Variants in PRKDC observed in about 807,000 individuals in gnomAD.
PRKDC encodes the protein protein kinase, DNA-activated, catalytic subunit.
PRKDC carries 82 observed loss-of-function variants against 486.9 expected under a neutral mutation model. The ratio of observed to expected loss-of-function variants is 0.17; its 90% CI spans 0.14 to 0.20. The LOEUF is 0.20. Ranked by LOEUF, PRKDC falls within the 10% of genes least tolerant of loss-of-function variation. PRKDC has a pLI of 1.00. For missense variants in PRKDC, 4,504 were observed against 5,038.2 expected, an observed-to-expected ratio of 0.89 and a Z score of 3.21; for synonymous variants, 1,895 against 1,837.0, an observed-to-expected ratio of 1.03 and a Z score of -0.81.
chr8:47,795,894 A>T (rs1017492927), intron 73 of PRKDC, among the ~76,000 whole-genome samples: 3 of 139,760 alleles, frequency 2.1e-5, no homozygotes, highest in Non-Finnish European at 4.7e-5. Context: ...TTGGTATGGA[A>T]TTTTTTTTTT....
chr8:47,899,629 G>A (rs989437421), intron 28 of PRKDC, among the ~76,000 whole-genome samples: 6 of 152,096 alleles, frequency 3.9e-5, no homozygotes, highest in African/African-American at 9.7e-5. Flanking sequence ...GGTGACAAGA[G>A]CAAAACCCCA....
chr8:47,778,000 T>C, intron 83 of PRKDC, 126 bp from the exon 84 acceptor site: 2 of 899,970 alleles, frequency 2.2e-6, no homozygotes, highest in Admixed American at 4.6e-5. Flanking sequence ...CTGCTTCCCT[T>C]GAAATCAGCT....
intron 31 of PRKDC, 56 bp from the exon 32 acceptor site, chr8:47,890,536 T>G: frequency 7.4e-7 from 1 of 1,351,864 alleles, no homozygotes. Context: ...TCCACTAAGA[T>G]TAACATAAAA....
At position 47,773,957 on chromosome 8, in the gene PRKDC, C is replaced by T; in HGVS notation, c.*216G>A. ...TGGATATCTATCTTTCTATAAACCT[C>T]ACCTAATCTTTGATGTTACTATAAC... is the stretch of plus-strand genomic sequence containing the variant. On this transcript the variant is annotated 3_prime_UTR_variant, in exon 86 of 86. Transcript: ENST00000314191. 2.0e-6 allele frequency: 1 copy of T among 490,982 alleles called. No homozygotes were observed. Among genetic ancestry groups the T allele is most frequent in the Non-Finnish European group, 3.6e-6 (1 of 280,702 alleles). 30.4% of individuals were successfully genotyped at this position (490,982 alleles called of 1,614,324 possible). A position where few individuals can be genotyped will look rare whatever the true frequency, so the allele number is the denominator to read the frequency against.
chr8:47,904,114 C>A (rs1346754331), intron 26 of PRKDC, among the ~76,000 whole-genome samples: 1 of 152,120 alleles, frequency 6.6e-6, no homozygotes, highest in African/African-American at 2.4e-5. Flanking sequence ...CTGCCTCTGC[C>A]CTCAGTGAGC....
intron 41 of PRKDC, 86 bp from the exon 42 acceptor site, chr8:47,863,663 T>A (rs2088730911): frequency 3.5e-6 from 4 of 1,133,068 alleles, no homozygotes. Flanking sequence ...ATACTTAATA[T>A]CCTTTAGACA....
chr8:47,898,182 C>G (rs1461034644), intron 29 of PRKDC, among the ~76,000 whole-genome samples: 2 of 152,220 alleles, frequency 1.3e-5, no homozygotes, highest in Non-Finnish European at 2.9e-5. Flanking sequence ...AAAACATGTT[C>G]AAAATTAGTG....
At chr8:47,925,052 C>T (rs1253218519) in intron 21 of PRKDC, among the ~76,000 whole-genome samples, 1 of 152,200 alleles carries the variant, frequency 6.6e-6, no homozygotes, top group Non-Finnish European at 1.5e-5. Context: ...CTTGGGTAAA[C>T]CCCATGCCAG....
At chr8:47,942,248 T>C (rs1420744377) in intron 10 of PRKDC, among the ~76,000 whole-genome samples, 1 of 152,204 alleles carries the variant, frequency 6.6e-6, no homozygotes, top group Non-Finnish European at 1.5e-5. Context: ...GCCAGCCAAG[T>C]TCAGCGTAAC....
At chr8:47,847,280 C>T (rs1009466264) in intron 54 of PRKDC, among the ~76,000 whole-genome samples, 9 of 151,668 alleles carry the variant, frequency 5.9e-5, no homozygotes, top group East Asian at 3.9e-4. Flanking sequence ...TGGTACTGGT[C>T]GGGGGAAAAA....
At position 47,930,148 on chromosome 8, in the gene PRKDC, T is replaced by C. The variant is rs1283521164; in HGVS notation, c.1893-136A>G. ...AGGTATCCTAAAATGTTTAGTTATA[T>C]CTATAATCCATTTTTCTCTACCTGA... On this transcript the variant is annotated intron_variant, in intron 17 of 85. Coordinates refer to ENST00000314191, the MANE Select transcript of PRKDC (RefSeq NM_006904.7). 4.3e-6 allele frequency: 3 copies of C among 702,824 alleles called. No individual in the cohort carries two copies. The African/African-American group carries it at 5.5e-5, about 13-fold the overall frequency. 43.5% of individuals were successfully genotyped at this position (702,824 alleles called of 1,614,324 possible).
At chr8:47,817,708 A>T (rs191763471) in intron 67 of PRKDC, 147 bp from the exon 68 acceptor site, 148 of 560,534 alleles carry the variant, frequency 2.6e-4, no homozygotes, top group Admixed American at 8.4e-4. Flanking sequence ...CAAAGTTACC[A>T]TACTAAATTT....
In PRKDC at chr8:47,779,111, G is replaced by A. The variant is rs769069444; in HGVS notation, c.11490-18C>T. Reference sequence around the variant, plus strand: ...TGGGATCACTAATGAGTGAGAAAAGGGGAATTGGAATTAGGAAGATTTTAG... The same window carrying A: ...TGGGATCACTAATGAGTGAGAAAAGAGGAATTGGAATTAGGAAGATTTTAG... On this transcript the variant is annotated intron_variant, in intron 80 of 85. Transcript: ENST00000314191. 6.5e-6 allele frequency: 10 copies of A among 1,539,796 alleles called. No homozygotes were observed. The highest frequency in any genetic ancestry group is 8.8e-6 in the Non-Finnish European group (10 of 1,132,250).
chr8:47,831,690 C>T lies in PRKDC; in HGVS notation c.8265+124G>A, dbSNP rs2087880233. 3.9e-6 allele frequency: 4 copies of T among 1,018,972 alleles called. No homozygotes were observed. The Admixed American group carries it at 7.4e-5, about 19-fold the overall frequency. The allele number at this position is 1,018,972 out of a possible 1,614,324, so 63.1% of individuals were successfully genotyped here. A position where few individuals can be genotyped will look rare whatever the true frequency, so the allele number is the denominator to read the frequency against. ...GGAGCCCCAGGAGGCTGGTTTGGAGCAGTCCCGCAACCTGGTTTGCAGGTG... is the reference window on the plus strand; with the variant it reads ...GGAGCCCCAGGAGGCTGGTTTGGAGTAGTCCCGCAACCTGGTTTGCAGGTG... On this transcript the variant is annotated intron_variant, in intron 60 of 85. Transcript: ENST00000314191.
Position 47,860,925 on chromosome 8 carries a change from G to T in PRKDC, c.6032C>A (p.Ala2011Asp). Residue 2011 changes from alanine (A) to aspartate (D), a missense_variant, in exon 45 of 86, where the codon GCC (alanine) becomes GAC (aspartate). This residue lies in a region of PRKDC where 1,592 missense variants were observed against 1,724.6 expected (regional missense o/e 0.92). Transcript: ENST00000314191. ...TGAATCCCCATTTGCTGCTTCTCTG[G>T]CTTCTTTCCTAATTTCAATGTACTT... ...KKKYIEIRKE[A>D]REAANGDSDG... is the part of the protein sequence containing the mutation. 1 of 1,608,464 alleles carries T rather than the reference G, an allele frequency of 6.2e-7. No individual in the cohort carries two copies. The highest frequency in any genetic ancestry group is 8.5e-7 in the Non-Finnish European group (1 of 1,177,570).
rs764415544 is a variant in PRKDC, at chr8:47,902,558, A to G, written c.3269+11T>C. 1.3e-6 allele frequency: 2 copies of G among 1,528,054 alleles called. No homozygotes were observed. Among genetic ancestry groups the G allele is most frequent in the South Asian group, 2.7e-5 (2 of 73,630 alleles). 94.7% of individuals were successfully genotyped at this position (1,528,054 alleles called of 1,614,324 possible). ...CACAAGTTTCTCTTCTCTGTTGTGT[A>G]GCTTACAAACCTGAATTCCCTGTAG... On this transcript the variant is annotated intron_variant, in intron 27 of 85. Coordinates refer to ENST00000314191, the MANE Select transcript of PRKDC (RefSeq NM_006904.7).
intron 16 of PRKDC, among the ~76,000 whole-genome samples, chr8:47,931,751 T>C (rs1049795821): frequency 6.6e-6 from 1 of 152,204 alleles, no homozygotes; most frequent in Non-Finnish European, 1.5e-5. Context: ...CCATCTGGTC[T>C]GAAACAATCA....
At chr8:47,935,576 GA>G (rs1203167254) in intron 13 of PRKDC, among the ~76,000 whole-genome samples, 155 bp downstream of exon 13, 7 of 151,942 alleles carry the variant, frequency 4.6e-5, no homozygotes, top group Non-Finnish European at 1.5e-5. Flanking sequence ...GTAATAGGAT[GA>G]AAAAAAGGAA....
intron 25 of PRKDC, among the ~76,000 whole-genome samples, chr8:47,911,148 C>T (rs1362510727): frequency 3.3e-5 from 5 of 152,186 alleles, no homozygotes; most frequent in Non-Finnish European, 7.3e-5. Flanking sequence ...CCTAGCCTTA[C>T]TGGCCCGCTG....
Sources: allele counts gnomAD v4.1 joint callset (sites outside exome capture counted in the v4.1 genomes callset), GRCh38; gene constraint gnomAD v4.1.1; regional missense constraint gnomAD v4.1.1; transcripts MANE v1.5; gene names NCBI Gene and HGNC (gene_info 2026-07-23, HGNC 2026-07-21).